LRRC59: variants seen among roughly 807,000 people sequenced by gnomAD.
The protein encoded by LRRC59 is leucine rich repeat containing 59, also known as leucine-rich repeat-containing protein 59.
Under a neutral mutation model 33.5 loss-of-function variants are expected in LRRC59, and 18 were observed. The ratio of observed to expected loss-of-function variants is 0.54; its 90% CI spans 0.37 to 0.80. The LOEUF (loss-of-function observed/expected upper bound fraction) is 0.80, where lower values mean the gene tolerates loss of function less well. Ranked by LOEUF, LRRC59 falls within the 30% of genes least tolerant of loss-of-function variation. LRRC59 has a pLI of 0.00. For synonymous variants in LRRC59, 138 were observed against 160.0 expected, an observed-to-expected ratio of 0.86 and a Z score of 1.04; for missense variants, 330 against 391.9, an observed-to-expected ratio of 0.84 and a Z score of 1.33.
chr17:50,386,474 A>G (rs576579498), intron 5 of LRRC59, among the ~76,000 whole-genome samples: 1 of 152,354 alleles, frequency 6.6e-6, no homozygotes, highest in Non-Finnish European at 1.5e-5. Flanking sequence ...ATGTCCTTTT[A>G]GGGCTTAAAA....
chr17:50,396,531 T>C (rs1914278050), intron 1 of LRRC59: 1 of 151,168 alleles, frequency 6.6e-6, no homozygotes, highest in East Asian at 1.9e-4. Context: ...TTGGCGCGGG[T>C]GGGAGGGGGA....
At position 50,381,859 on chromosome 17, in the gene LRRC59, A is replaced by G. The variant is rs755195144; in HGVS notation, c.*1129T>C. ...GGGTGATGCACCACTTTTCAGCTCC[A>G]TGATGCTACTTGTTTCCCTTCATAT... On this transcript the variant is annotated 3_prime_UTR_variant, in exon 7 of 7. Coordinates refer to ENST00000225972, the MANE Select transcript of LRRC59 (RefSeq NM_018509.4). 1 of 152,700 alleles carries G rather than the reference A, an allele frequency of 6.5e-6. No homozygotes were observed. Among genetic ancestry groups the G allele is most frequent in the Non-Finnish European group, 1.5e-5 (1 of 68,060 alleles). The allele number at this position is 152,700 out of a possible 1,614,324, so 9.5% of individuals were successfully genotyped here. A position where few individuals can be genotyped will look rare whatever the true frequency, so the allele number is the denominator to read the frequency against.
intron 5 of LRRC59, chr17:50,386,182 G>A (rs1258873250): frequency 2.6e-5 from 4 of 151,910 alleles, no homozygotes; most frequent in South Asian, 2.1e-4. Flanking sequence ...AGTGGAGAAG[G>A]AAGAAAGAAA....
intron 6 of LRRC59, among the ~76,000 whole-genome samples, chr17:50,383,452 G>A (rs1385989914): frequency 2.0e-5 from 3 of 152,092 alleles, no homozygotes; most frequent in Non-Finnish European, 4.4e-5. Flanking sequence ...CACTCATTCT[G>A]CGTGTCTCAT....
intron 1 of LRRC59, 73 bp from the exon 2 acceptor site, chr17:50,395,061 C>T (rs1914239250): frequency 9.8e-7 from 1 of 1,019,918 alleles, no homozygotes; most frequent in South Asian, 1.3e-5. Context: ...GTTAATGAAG[C>T]ATTTTCCAGA....
intron 1 of LRRC59, 63 bp from the exon 2 acceptor site, chr17:50,395,051 G>A: frequency 9.0e-7 from 1 of 1,112,728 alleles, no homozygotes; most frequent in Non-Finnish European, 1.4e-6. Flanking sequence ...ACTGACATAT[G>A]TTAATGAAGC....
chr17:50,387,754 G>A (rs1055343854), intron 5 of LRRC59, among the ~76,000 whole-genome samples: 7 of 152,056 alleles, frequency 4.6e-5, no homozygotes, highest in Admixed American at 2.6e-4. Flanking sequence ...CCTATTACAG[G>A]GAACACTGGG....
At chr17:50,384,455 TTACTG>T (rs918965487) in intron 6 of LRRC59, among the ~76,000 whole-genome samples, 51 of 152,138 alleles carry the variant, frequency 3.4e-4, no homozygotes, top group African/African-American at 8.9e-4. Context: ...CCACAGAACT[TTACTG>T]TAAGGCACTT....
At chr17:50,396,097 T>C (rs1914266741) in intron 1 of LRRC59, 1 of 152,170 alleles carries the variant, frequency 6.6e-6, no homozygotes, top group African/African-American at 2.4e-5. Flanking sequence ...AGGAGGCATA[T>C]ATTCAGTTAA....
In LRRC59 at chr17:50,382,774, G is replaced by GCCCC; in HGVS notation, c.*210_*213dup. Reference sequence around the variant, plus strand: ...AGGCATGCAGGTAACTGCCCCCCACGCCCCCCCGCCACCTCCCATTTCTCC... The same window carrying GCCCC: ...AGGCATGCAGGTAACTGCCCCCCACGCCCCCCCCCCCGCCACCTCCCATTTCTCC... On this transcript the variant is annotated 3_prime_UTR_variant, in exon 7 of 7. Coordinates refer to ENST00000225972, the MANE Select transcript of LRRC59 (RefSeq NM_018509.4). 1 of 190,910 alleles carries GCCCC rather than the reference G, an allele frequency of 5.2e-6. No individual in the cohort carries two copies. The highest frequency in any genetic ancestry group is 9.2e-6 in the Non-Finnish European group (1 of 109,126). The allele number at this position is 190,910 out of a possible 1,614,324, so 11.8% of individuals were successfully genotyped here.
At chr17:50,395,373 AAAG>A (rs1914247698) in intron 1 of LRRC59, among the ~76,000 whole-genome samples, 4 of 147,596 alleles carry the variant, frequency 2.7e-5, no homozygotes, top group African/African-American at 1.0e-4. Context: ...AAAAAAAAAG[AAAG>A]GAAGGCAGGC....
intron 1 of LRRC59, among the ~76,000 whole-genome samples, chr17:50,395,464 T>A (rs1021470780): frequency 4.6e-5 from 7 of 151,990 alleles, no homozygotes; most frequent in Non-Finnish European, 8.8e-5. Context: ...CCAGCGTCCC[T>A]CTTATTAGGT....
rs549012319 is a variant in LRRC59, at chr17:50,382,191, G to C, written c.*797C>G. On this transcript the variant is annotated 3_prime_UTR_variant, in exon 7 of 7. Transcript: ENST00000225972. ...TGCCCGTGACCTGATGATAGCAAGA[G>C]ATTTCTATCTCTGAGTCGTGAAATC... is the stretch of plus-strand genomic sequence containing the variant. 2 of 152,530 alleles carry C rather than the reference G, an allele frequency of 1.3e-5. No homozygotes were observed. Among genetic ancestry groups the C allele is most frequent in the South Asian group, 4.1e-4 (2 of 4,832 alleles). The allele number at this position is 152,530 out of a possible 1,614,324, so 9.4% of individuals were successfully genotyped here.
rs368551166 is a variant in LRRC59 at position 50,392,948 on chromosome 17, C to T, written c.166-51G>A. On this transcript the variant is annotated intron_variant, in intron 2 of 6. Coordinates refer to ENST00000225972, the MANE Select transcript of LRRC59 (RefSeq NM_018509.4). ...CTAGGCTTGTCCAACACACGAGCCA[C>T]GACAGCTTTAAATGTGGCCCAATAC... The T allele has an allele frequency of 3.5e-5, 54 of 1,552,222 alleles. 2 individuals are homozygous for T. In the African/African-American group the frequency reaches 4.1e-4, roughly 12 times the overall value.
rs926348584 is a variant in LRRC59, at chr17:50,381,425, G to A, written c.*1563C>T. 3 of 162,516 alleles carry A rather than the reference G, an allele frequency of 1.8e-5. No individual in the cohort carries two copies. The highest frequency in any genetic ancestry group is 7.2e-5 in the African/African-American group (3 of 41,596). The allele number at this position is 162,516 out of a possible 1,614,324, so 10.1% of individuals were successfully genotyped here. ...GTCTTCATCTCATTGTGTGTATTAT[G>A]TATTTAGTTTCAATAAAGCATTTGT... On this transcript the variant is annotated 3_prime_UTR_variant, in exon 7 of 7. Transcript: ENST00000225972.
At position 50,383,132 on chromosome 17, in the gene LRRC59, C is replaced by T. The variant is rs779883185; in HGVS notation, c.780G>A (p.Ala260=). The T allele has an allele frequency of 8.2e-6, 13 of 1,581,574 alleles. No individual in the cohort carries two copies. The highest frequency in any genetic ancestry group is 4.6e-5 in the South Asian group (4 of 87,082). ...TCACCCGACAAGCAACCAGCCCTCC[C>T]GCCACACCAAATAGCAGCAGCAGCA... ...LLLLLLLFGV[A]GGLVACRVTE... is the part of the protein sequence containing the mutation. The change falls in exon 7 of 7, where the codon GCG becomes GCA. Residue 260 remains alanine, a synonymous_variant. Coordinates refer to ENST00000225972, the MANE Select transcript of LRRC59 (RefSeq NM_018509.4).
At chr17:50,384,865 G>A (rs141846762) in intron 6 of LRRC59, among the ~76,000 whole-genome samples, 1 of 152,134 alleles carries the variant, frequency 6.6e-6, no homozygotes, top group South Asian at 2.1e-4. Flanking sequence ...TCTGTTCTGG[G>A]AATGCTTCAA....
chr17:50,393,661 G>A (rs898614228), intron 2 of LRRC59, among the ~76,000 whole-genome samples: 6 of 152,182 alleles, frequency 3.9e-5, no homozygotes, highest in Non-Finnish European at 7.3e-5. Flanking sequence ...GAAAGCGATG[G>A]TACAACCTCA....
Position 50,388,148 on chromosome 17 carries a change from A to G in LRRC59, c.430-16T>C. The G allele has an allele frequency of 6.2e-7, 1 of 1,612,622 alleles. No homozygotes were observed. Among genetic ancestry groups the G allele is most frequent in the African/African-American group, 1.3e-5 (1 of 75,018 alleles). ...GCTGTAACACCTGCAAAGGAAAAGG[A>G]GGAAAGTAGTGCTCTTCATAGTCAT... On this transcript the variant is annotated splice_polypyrimidine_tract_variant and intron_variant, in intron 4 of 6. Transcript: ENST00000225972.
Sources: allele counts gnomAD v4.1 joint callset (sites outside exome capture counted in the v4.1 genomes callset), GRCh38; gene constraint gnomAD v4.1.1; transcripts MANE v1.5; gene names NCBI Gene and HGNC (gene_info 2026-07-23, HGNC 2026-07-21).